Variants in CDH17 observed in about 807,000 individuals in gnomAD.
CDH17 encodes the protein cadherin-17.
Under a neutral mutation model 86.3 loss-of-function variants are expected in CDH17, and 67 were observed. That is an observed-to-expected ratio of 0.78 (90% confidence interval 0.64 to 0.95). The LOEUF (loss-of-function observed/expected upper bound fraction) is 0.95. CDH17 is among the 40% of genes least tolerant of loss of function. The pLI is 0.00. For missense variants in CDH17, 993 were observed against 1,017.6 expected (o/e 0.98, Z 0.33); for synonymous variants, 367 against 366.4 (o/e 1.00, Z -0.02).
chr8:94,212,813 G>A (rs552178564), upstream of CDH17, among the ~76,000 whole-genome samples: 1 of 152,326 alleles, frequency 6.6e-6, no homozygotes, highest in Non-Finnish European at 1.5e-5. Flanking sequence ...TGCCCAGCAG[G>A]CGGGGCCCTC....
At chr8:94,136,130 T>G (rs1419701549) in intron 15 of CDH17, among the ~76,000 whole-genome samples, 1 of 152,146 alleles carries the variant, frequency 6.6e-6, no homozygotes, top group East Asian at 1.9e-4. Flanking sequence ...CAATTATGTG[T>G]CTTGGGGTTG....
At chr8:94,144,184 G>A (rs1034989953) in intron 15 of CDH17, among the ~76,000 whole-genome samples, 1 of 152,036 alleles carries the variant, frequency 6.6e-6, no homozygotes, top group African/African-American at 2.4e-5. Flanking sequence ...GGAGGCCCAA[G>A]GAGAGAGAGA....
intron 13 of CDH17, among the ~76,000 whole-genome samples, chr8:94,150,429 T>C (rs1812835709): frequency 6.6e-6 from 1 of 152,236 alleles, no homozygotes; most frequent in Non-Finnish European, 1.5e-5. Context: ...TGCTGAAGGA[T>C]TGGATTCAAA....
chr8:94,144,244 C>T (rs150674706), intron 15 of CDH17, among the ~76,000 whole-genome samples: 52 of 152,268 alleles, frequency 3.4e-4, no homozygotes, highest in African/African-American at 1.1e-3. Flanking sequence ...ACGTCGACGT[C>T]GCACTGACAG....
At chr8:94,168,092 TG>T (rs1813190719) in intron 9 of CDH17, among the ~76,000 whole-genome samples, 1 of 94,004 alleles carries the variant, frequency 1.1e-5, no homozygotes, top group Non-Finnish European at 1.9e-5. Context: ...GTAAATACAC[TG>T]GGGAATATAT....
chr8:94,170,215 A>G (rs971653660), intron 9 of CDH17, among the ~76,000 whole-genome samples, 182 bp downstream of exon 9: 2 of 152,144 alleles, frequency 1.3e-5, no homozygotes, highest in African/African-American at 4.8e-5. Context: ...ATTTAAGAAT[A>G]CTATCCAGAT....
Position 94,159,989 on chromosome 8 carries a change from T to C in CDH17, c.1533A>G (p.Gly511=). 1.2e-6 allele frequency: 2 copies of C among 1,608,836 alleles called. No homozygotes were observed. The highest frequency in any genetic ancestry group is 1.7e-6 in the Non-Finnish European group (2 of 1,178,168). Residue 511 remains glycine (G), a synonymous_variant, in exon 12 of 18, where the codon GGA becomes GGG. Transcript: ENST00000027335. ...GVDTDPHTNT[G]YVIIKKPLDF... is the part of the protein sequence containing the mutation. ...TATTTACCTTTTTAATTATGACATA[T>C]CCGGTGTTGGTATGGGGATCTGTGT...
Position 94,173,985 on chromosome 8 carries a change from A to T in CDH17, c.595T>A (p.Leu199Met), listed in dbSNP as rs142706341. The T allele has an allele frequency of 1.2e-4, 192 of 1,613,766 alleles. 1 individual carries two copies. The African/African-American group carries it at 2.2e-3, about 18-fold the overall frequency. ...TAGGAAGGATTCTTAGCAGGATTCAATTCCTGAGATCCTGTGAGAAGTAGG... is the reference window on the plus strand; with the variant it reads ...TAGGAAGGATTCTTAGCAGGATTCATTTCCTGAGATCCTGTGAGAAGTAGG... The part of the protein sequence containing the change: ...ISLTREGSQE[L>M]NPAKNPSYNL... The change falls in exon 7 of 18, where the codon TTG becomes ATG. Residue 199 changes from leucine to methionine, a missense_variant. Transcript: ENST00000027335.
At chr8:94,187,081 A>T (rs1813595776) in intron 3 of CDH17, among the ~76,000 whole-genome samples, 1 of 152,222 alleles carries the variant, frequency 6.6e-6, no homozygotes, top group African/African-American at 2.4e-5. Context: ...TTCGCTCACT[A>T]CCATCTTTAT....
chr8:94,180,139 T>C (rs1451891054), intron 3 of CDH17, among the ~76,000 whole-genome samples: 2 of 152,014 alleles, frequency 1.3e-5, no homozygotes, highest in East Asian at 3.9e-4. Flanking sequence ...TTGACAAGGA[T>C]GATAACTGAA....
chr8:94,134,257 G>T (rs1812477491), intron 15 of CDH17, among the ~76,000 whole-genome samples: 1 of 152,204 alleles, frequency 6.6e-6, no homozygotes, highest in Non-Finnish European at 1.5e-5. Context: ...ACCTCTGGTA[G>T]AATTCAGCTG....
chr8:94,160,274 C>A, intron 11 of CDH17, 112 bp from the exon 12 acceptor site: 2 of 740,662 alleles, frequency 2.7e-6, no homozygotes, highest in South Asian at 4.3e-5. Flanking sequence ...TTGCATCAAT[C>A]TTCATGGGGC....
At chr8:94,214,151 C>T (rs550465344) in intron 1 of CDH17, among the ~76,000 whole-genome samples, 64 of 152,306 alleles carry the variant, frequency 4.2e-4, no homozygotes, top group African/African-American at 1.3e-3. Flanking sequence ...CCAAAACATA[C>T]GCCTCCTAGA....
chr8:94,151,132 G>A (rs1029097206), intron 13 of CDH17, among the ~76,000 whole-genome samples: 1 of 152,136 alleles, frequency 6.6e-6, no homozygotes, highest in Non-Finnish European at 1.5e-5. Flanking sequence ...ATAGACAGGA[G>A]GTGTAATGTA....
rs956837891 is a variant in CDH17, at chr8:94,132,882, T to C, written c.2168-1890A>G. ...ATGGATCCAGTTTCAGCTTTCTACA[T>C]ATGCCTAGCCAGTTTTCCCAGCACC... On this transcript the variant is annotated intron_variant, in intron 15 of 17. Coordinates refer to ENST00000027335, the MANE Select transcript of CDH17 (RefSeq NM_004063.4). Among the ~76,000 whole-genome samples, 4 of 152,230 alleles carry C rather than the reference T, an allele frequency of 2.6e-5. No homozygotes were observed. The East Asian group carries it at 7.7e-4, about 29-fold the overall frequency.
Position 94,177,871 on chromosome 8 carries a change from T to C in CDH17, c.151-150A>G, listed in dbSNP as rs1813405502. ...TTTTAAAGTGGTACCTTCTAAAAGTTTGTTTGCACAATAACTGTGTAACAT... is the reference window on the plus strand; with the variant it reads ...TTTTAAAGTGGTACCTTCTAAAAGTCTGTTTGCACAATAACTGTGTAACAT... On this transcript the variant is annotated intron_variant, in intron 3 of 17. Transcript: ENST00000027335. 5.7e-6 allele frequency: 4 copies of C among 700,704 alleles called. No homozygotes were observed. The South Asian group carries it at 7.6e-5, about 13-fold the overall frequency. 43.4% of individuals were successfully genotyped at this position (700,704 alleles called of 1,614,324 possible).
chr8:94,139,900 A>T (rs1043398238), intron 15 of CDH17, among the ~76,000 whole-genome samples: 6 of 113,162 alleles, frequency 5.3e-5, no homozygotes, highest in African/African-American at 1.4e-4. Flanking sequence ...AATAAAAAAT[A>T]AATAAAAAAA....
chr8:94,211,879 A>T (rs1269281293), upstream of CDH17, among the ~76,000 whole-genome samples: 1 of 152,218 alleles, frequency 6.6e-6, no homozygotes, highest in Non-Finnish European at 1.5e-5. Context: ...ACTCAACTCC[A>T]TTCAGTTATT....
chr8:94,131,466 T>C (rs1812414218), intron 15 of CDH17, among the ~76,000 whole-genome samples: 1 of 152,218 alleles, frequency 6.6e-6, no homozygotes, highest in South Asian at 2.1e-4. Context: ...CACTAGAACT[T>C]CCTGAACAAA....
Sources: gnomAD v4.1 joint callset for allele counts (sites outside exome capture counted in the v4.1 genomes callset) on GRCh38, gnomAD v4.1.1 for gene constraint, MANE v1.5 for transcripts, NCBI Gene and HGNC (gene_info 2026-07-23, HGNC 2026-07-21) for gene names.